The following ZNF638 variants were observed in gnomAD, a reference collection of about 807,000 sequenced individuals.
ZNF638 encodes zinc finger protein 638.
ZNF638 carries 46 observed loss-of-function variants against 195.6 expected under a neutral mutation model. The ratio of observed to expected loss-of-function variants is 0.24; its 90% CI spans 0.19 to 0.30. The LOEUF is 0.30. Ranked by LOEUF, ZNF638 falls within the 10% of genes least tolerant of loss-of-function variation. The pLI, the probability that ZNF638 is intolerant of heterozygous loss-of-function variation, is 1.00. For synonymous variants in ZNF638, 845 were observed against 772.0 expected (o/e 1.09, Z -1.57); for missense variants, 2,440 against 2,325.3 (o/e 1.05, Z -1.01).
rs1240817430 is a variant in ZNF638 at position 71,363,040 on chromosome 2, T to C, written c.1380-113T>C. 5.0e-6 allele frequency: 4 copies of C among 804,282 alleles called. No homozygotes were observed. The African/African-American group carries it at 7.0e-5, about 14-fold the overall frequency. 49.8% of individuals were successfully genotyped at this position (804,282 alleles called of 1,614,324 possible). Reference sequence around the variant, plus strand: ...TTATTGAATTAAACTCTCAAAATATTTTATTTCCAATAAAAGTTGTGAAAA... The same window carrying C: ...TTATTGAATTAAACTCTCAAAATATCTTATTTCCAATAAAAGTTGTGAAAA... On this transcript the variant is annotated intron_variant, in intron 3 of 27. Coordinates refer to ENST00000264447, the MANE Select transcript of ZNF638 (RefSeq NM_014497.5).
chr2:71,361,628 CTTTT>C (rs1408404660), intron 3 of ZNF638: 1 of 152,178 alleles, frequency 6.6e-6, no homozygotes, highest in Non-Finnish European at 1.5e-5. Context: ...TTAAAGTTAA[CTTTT>C]TTGTCTTCAC....
At chr2:71,332,315 C>G (rs3771382) in intron 1 of ZNF638, among the ~76,000 whole-genome samples, 72,259 of 152,102 alleles carry the variant, frequency 0.48, 18,624 homozygotes, top group Admixed American at 0.61. Flanking sequence ...GAAGCGTTCC[C>G]GTCGGGCCCG....
intron 13 of ZNF638, 61 bp downstream of exon 13, chr2:71,399,706 G>A: frequency 4.4e-6 from 6 of 1,377,740 alleles, no homozygotes; most frequent in Non-Finnish European, 6.1e-6. Flanking sequence ...AACTTTTTAA[G>A]TTCAGGGGTA....
chr2:71,400,453 GTTTTTAATTTTA>G lies in ZNF638; in HGVS notation c.2657-20_2657-9del. On this transcript the variant is annotated splice_polypyrimidine_tract_variant and intron_variant, in intron 14 of 27. Transcript: ENST00000264447. ...GGATCTTGATAAGTATGTCTGCATT[GTTTTTAATTTTA>G]TTTTGTATTAAGATGCTGCTTTGGA... 1 of 1,593,900 alleles carries G rather than the reference GTTTTTAATTTTA, an allele frequency of 6.3e-7. No individual in the cohort carries two copies. Among genetic ancestry groups the G allele is most frequent in the Non-Finnish European group, 8.5e-7 (1 of 1,173,050 alleles).
chr2:71,431,448 T>A lies in ZNF638; in HGVS notation c.5752+20T>A. 6.2e-7 allele frequency: 1 copy of A among 1,608,750 alleles called. No homozygotes were observed. The highest frequency in any genetic ancestry group is 8.5e-7 in the Non-Finnish European group (1 of 1,175,890). ...CTGAGGGTAAAGTTAAAATGACATT[T>A]TTTTCTTACCCATATGAAATTTAAA... is the stretch of plus-strand genomic sequence containing the variant. On this transcript the variant is annotated intron_variant, in intron 26 of 27. Transcript: ENST00000264447.
intron 8 of ZNF638, chr2:71,379,568 T>C (rs904431788): frequency 6.6e-6 from 1 of 152,192 alleles, no homozygotes; most frequent in African/African-American, 2.4e-5. Context: ...GCTGGCAATT[T>C]GGATATGCCA....
At chr2:71,373,112 C>G (rs1282031399) in intron 8 of ZNF638, among the ~76,000 whole-genome samples, 1 of 152,168 alleles carries the variant, frequency 6.6e-6, no homozygotes, top group Non-Finnish European at 1.5e-5. Context: ...AATTTACTCC[C>G]TGGTAATTTA....
chr2:71,373,825 A>G (rs1402222869), intron 8 of ZNF638: 1 of 151,592 alleles, frequency 6.6e-6, no homozygotes, highest in African/African-American at 2.4e-5. Flanking sequence ...TTCTGAGGAC[A>G]TGTTCCCCTC....
intron 1 of ZNF638, chr2:71,334,392 G>T (rs1186131805): frequency 6.6e-6 from 1 of 152,214 alleles, no homozygotes; most frequent in Non-Finnish European, 1.5e-5. Flanking sequence ...CTGCCATGTA[G>T]TGGTTTTAGA....
At chr2:71,393,327 T>C (rs1318251829) in intron 10 of ZNF638, 3 of 691,166 alleles carry the variant, frequency 4.3e-6, no homozygotes, top group African/African-American at 1.8e-5. Context: ...AATAGTAACG[T>C]ATGGTGTAGT....
chr2:71,347,849 C>T (rs951007206), intron 1 of ZNF638, among the ~76,000 whole-genome samples: 1 of 152,176 alleles, frequency 6.6e-6, no homozygotes, highest in African/African-American at 2.4e-5. Flanking sequence ...GATTACTGGA[C>T]CAGATAACCT....
intron 8 of ZNF638, chr2:71,374,001 T>G (rs1168761621): frequency 3.3e-5 from 5 of 152,156 alleles, no homozygotes; most frequent in Non-Finnish European, 7.3e-5. Flanking sequence ...TTTTAATTTA[T>G]TTTTTGTAGA....
rs150978679 is a variant in ZNF638 at position 71,373,664 on chromosome 2, C to T, written c.2265+3659C>T. Among the ~76,000 whole-genome samples the T allele has an allele frequency of 3.5e-4, 53 of 151,616 alleles. No individual in the cohort carries two copies. In the East Asian group the frequency reaches 4.1e-3, roughly 12 times the overall value. On this transcript the variant is annotated intron_variant, in intron 8 of 27. Transcript: ENST00000264447. ...TGATCTCCTGACCTCGTGATCCGTC[C>T]GCCTCGGCCTCTGAAAGTGCTGGGA...
At chr2:71,408,730 C>G (rs1297170960) in intron 20 of ZNF638, 1 of 454,894 alleles carries the variant, frequency 2.2e-6, no homozygotes, top group Non-Finnish European at 4.5e-6. Context: ...GCATTAAATT[C>G]AAACTCAATC....
chr2:71,345,569 A>G (rs1335620523), intron 1 of ZNF638, among the ~76,000 whole-genome samples: 3 of 152,084 alleles, frequency 2.0e-5, no homozygotes, highest in South Asian at 2.1e-4. Flanking sequence ...TTTTGTAGAG[A>G]TGAGGTCTCA....
intron 6 of ZNF638, among the ~76,000 whole-genome samples, chr2:71,365,968 G>A (rs1267765707): frequency 2.0e-5 from 3 of 152,128 alleles, no homozygotes; most frequent in Non-Finnish European, 4.4e-5. Flanking sequence ...GTCCTTCCAC[G>A]TCAGCTTCCC....
In ZNF638 at chr2:71,427,302, G is replaced by A; in HGVS notation, c.5433G>A (p.Lys1811=). 6.2e-7 allele frequency: 1 copy of A among 1,613,332 alleles called. No homozygotes were observed. The highest frequency in any genetic ancestry group is 8.5e-7 in the Non-Finnish European group (1 of 1,179,880). The change falls in exon 24 of 28, where the codon AAG becomes AAA. Residue 1811 remains lysine (K), a synonymous_variant. Transcript: ENST00000264447. Reference sequence around the variant, plus strand: ...CAGATAAAAAAGGGAATAGAAAGAAGAGAGCTGTGGACACAAAAAAGACAA... The same window carrying A: ...CAGATAAAAAAGGGAATAGAAAGAAAAGAGCTGTGGACACAAAAAAGACAA... ...HPTDKKGNRK[K]RAVDTKKTKL...
chr2:71,369,090 T>G (rs2079258309), intron 7 of ZNF638, among the ~76,000 whole-genome samples: 1 of 152,098 alleles, frequency 6.6e-6, no homozygotes, highest in Non-Finnish European at 1.5e-5. Context: ...ATCGCAGCAC[T>G]TTGGGAGGCT....
intron 22 of ZNF638, 114 bp downstream of exon 22, chr2:71,424,152 C>A (rs905700728): frequency 1.5e-6 from 2 of 1,351,246 alleles, no homozygotes; most frequent in African/African-American, 1.5e-5. Context: ...CTCACTCTAC[C>A]CCGGAAGCTC....
Sources: allele counts gnomAD v4.1 joint callset (sites outside exome capture counted in the v4.1 genomes callset), GRCh38; gene constraint gnomAD v4.1.1; transcripts MANE v1.5; gene names NCBI Gene and HGNC (gene_info 2026-07-23, HGNC 2026-07-21).